The following HELZ2 variants were observed in gnomAD, a reference collection of about 807,000 sequenced individuals.
HELZ2 encodes 3'-5' exoribonuclease HELZ2.
In HELZ2, 143 loss-of-function variants were observed where a neutral mutation model predicts 208.8. That is an observed-to-expected ratio of 0.68 (90% CI 0.60 to 0.79). The LOEUF is 0.79. Ranked by LOEUF, HELZ2 falls within the 30% of genes least tolerant of loss-of-function variation. The pLI, the probability that HELZ2 is intolerant of heterozygous loss-of-function variation, is 0.00. For synonymous variants in HELZ2, 1,705 were observed against 1,693.7 expected, an observed-to-expected ratio of 1.01 and a Z score of -0.16; for missense variants, 3,690 against 3,794.5, an observed-to-expected ratio of 0.97 and a Z score of 0.72.
exon 8 of HELZ2, chr20:63,564,280 G>T: frequency 6.2e-7 from 1 of 1,610,090 alleles, no homozygotes. Context: ...AGCCCAGGGT[G>T]CCGTCCTCGT....
chr20:63,567,756 C>A lies in HELZ2; in HGVS notation c.1731-129G>T, dbSNP rs916557770. 5 of 1,463,944 alleles carry A rather than the reference C, an allele frequency of 3.4e-6. No individual in the cohort carries two copies. In the African/African-American group the frequency reaches 5.6e-5, roughly 16 times the overall value. 90.7% of individuals were successfully genotyped at this position (1,463,944 alleles called of 1,614,324 possible). On this transcript the variant is annotated intron_variant, in intron 5 of 18. Coordinates refer to ENST00000467148, the Ensembl canonical transcript of HELZ2. ...TTGTCTGGCTGTCAGAGGTGAGCAG[C>A]AAACACTGGTGTCCCTCCTGTCAGG...
chr20:63,568,964 GC>G lies in HELZ2; in HGVS notation c.1123del (p.Ala375HisfsTer7). 1 of 1,604,078 alleles carries G rather than the reference GC, an allele frequency of 6.2e-7. No homozygotes were observed. The highest frequency in any genetic ancestry group is 8.5e-7 in the Non-Finnish European group (1 of 1,179,872). Reference sequence around the variant, plus strand: ...CATGTTCAGCGCTGGCGTCTGCAATGCCGTCTTCAGGAACACCTGGCCCCGC... The same window carrying G: ...CATGTTCAGCGCTGGCGTCTGCAATGCGTCTTCAGGAACACCTGGCCCCGC... On this transcript the variant is annotated frameshift_variant, in exon 5 of 19. Coordinates refer to ENST00000467148, the Ensembl canonical transcript of HELZ2. LOFTEE classifies it high-confidence loss of function.
downstream of HELZ2, chr20:63,559,019 G>A (rs762816253): frequency 1.6e-5 from 8 of 487,386 alleles, no homozygotes; most frequent in South Asian, 3.0e-5. Context: ...GCCCCTCTTG[G>A]CCACCCTGAG....
chr20:63,559,072 G>A (rs1054881119), downstream of HELZ2: 10 of 687,492 alleles, frequency 1.5e-5, no homozygotes, highest in African/African-American at 5.5e-5. Flanking sequence ...CAAGAGTGTG[G>A]GGACCGGCCC....
exon 6 of HELZ2, chr20:63,567,192 C>T (rs751594629): frequency 6.2e-7 from 1 of 1,608,296 alleles, no homozygotes; most frequent in East Asian, 2.2e-5. Flanking sequence ...GCTGGTAGCA[C>T]AGGAAGAGGC....
chr20:63,564,478 G>T, exon 8 of HELZ2: 2 of 1,583,692 alleles, frequency 1.3e-6, no homozygotes, highest in Non-Finnish European at 8.6e-7. Context: ...ACTGGACCAC[G>T]GAGGGTGCAA....
In HELZ2 at chr20:63,563,990, C is replaced by T. The variant is rs779686338; in HGVS notation, c.4832G>A (p.Arg1611His). ...CACCATCTGTTCGTAGTCCTGGGTG[C>T]GGGCAGCAAACTGGACCTGCTTCCA... The change falls in exon 8 of 19, where the codon CGC becomes CAC. Residue 1611 changes from arginine to histidine, a missense_variant. Transcript: ENST00000467148. 8.7e-6 allele frequency: 14 copies of T among 1,602,210 alleles called. No individual in the cohort carries two copies. The highest frequency in any genetic ancestry group is 2.2e-5 in the East Asian group (1 of 44,672).
rs750871385 is a variant in HELZ2 at position 63,563,269 on chromosome 20, G to A, written c.5553C>T (p.Gly1851=). The A allele has an allele frequency of 8.4e-6, 13 of 1,555,478 alleles. No individual in the cohort carries two copies. The African/African-American group carries it at 1.1e-4, about 13-fold the overall frequency. The change falls in exon 8 of 19, where the codon GGC becomes GGT. Residue 1851 remains glycine, a synonymous_variant. Transcript: ENST00000467148. ...CCAGCTCCCGCCGCTGGGACGCCTC[G>A]CCCTTCTCCTGGATGAGAGCAGCCG...
Position 63,569,171 on chromosome 20 carries a change from C to T in HELZ2, c.1065G>A (p.Ala355=), listed in dbSNP as rs778782715. 13 of 1,549,826 alleles carry T rather than the reference C, an allele frequency of 8.4e-6. No homozygotes were observed. The African/African-American group carries it at 9.7e-5, about 12-fold the overall frequency. ...ACTTGGCCACCAGCTGCTGCTGAGC[C>T]GCCTCCTCCTCATAGAGAAACTGGT... Residue 355 remains alanine, a synonymous_variant, in exon 4 of 19, where the codon GCG becomes GCA. Coordinates refer to ENST00000467148, the Ensembl canonical transcript of HELZ2.
In HELZ2 at chr20:63,569,219, TGG is replaced by T; in HGVS notation, c.1015_1016del (p.Pro339AsnfsTer13). 6.4e-7 allele frequency: 1 copy of T among 1,557,082 alleles called. No individual in the cohort carries two copies. The highest frequency in any genetic ancestry group is 8.7e-7 in the Non-Finnish European group (1 of 1,152,428). ...GGTGCATCCTCTGCCGATAGTTGGT[TGG>T]TGAGATGGGGCCCGAGGCCACGCTG... On this transcript the variant is annotated frameshift_variant, in exon 4 of 19. Coordinates refer to ENST00000467148, the Ensembl canonical transcript of HELZ2. LOFTEE classifies it high-confidence loss of function.
exon 4 of HELZ2, chr20:63,569,460 C>A: frequency 1.2e-6 from 2 of 1,609,584 alleles, no homozygotes; most frequent in Non-Finnish European, 1.7e-6. Context: ...CACCGGCCGG[C>A]GGCCAAAGTC....
chr20:63,564,081 C>A, exon 8 of HELZ2: 1 of 1,607,730 alleles, frequency 6.2e-7, no homozygotes, highest in Non-Finnish European at 8.5e-7. Flanking sequence ...AGGTGGTGGC[C>A]GAGGTGCAGT....
At chr20:63,559,116 G>GC (rs1255440700), downstream of HELZ2, 12 of 1,029,938 alleles carry the variant, frequency 1.2e-5, no homozygotes, top group Admixed American at 3.6e-5. Flanking sequence ...CCCACTTCCT[G>GC]CCCCAGGGAG....
exon 8 of HELZ2, chr20:63,563,873 C>G: frequency 6.3e-7 from 1 of 1,597,044 alleles, no homozygotes; most frequent in Non-Finnish European, 8.5e-7. Context: ...GCCCCGGGCG[C>G]AGCGGCCGAA....
chr20:63,567,435 G>C, exon 6 of HELZ2: 1 of 1,563,232 alleles, frequency 6.4e-7, no homozygotes, highest in Non-Finnish European at 8.7e-7. Flanking sequence ...CCACCACGCG[G>C]TGCCGCGCCA....
At chr20:63,571,193 A>G (rs75454724) in intron 1 of HELZ2, 20,656 of 217,490 alleles carry the variant, frequency 0.095, 1,343 homozygotes, top group East Asian at 0.35. Context: ...GGCTCTGCCT[A>G]CGGTGGGCTC....
At chr20:63,562,579 C>T (rs768301037) in exon 8 of HELZ2, 3 of 1,598,932 alleles carry the variant, frequency 1.9e-6, no homozygotes, top group African/African-American at 2.7e-5. Flanking sequence ...GCCTCAGCAC[C>T]TCTTCCGGAA....
chr20:63,569,047 C>G, intron 4 of HELZ2, 48 bp from the exon 6 acceptor site: 3 of 1,595,758 alleles, frequency 1.9e-6, no homozygotes, highest in African/African-American at 1.3e-5. Flanking sequence ...CTGCCAGCCC[C>G]GCTGCCAAGT....
exon 19 of HELZ2, chr20:63,559,345 G>A (rs1200183551): frequency 6.9e-6 from 11 of 1,601,410 alleles, no homozygotes; most frequent in Middle Eastern, 4.0e-4. Flanking sequence ...GCCAGAGGGG[G>A]CAGCAGCGCA....
Sources: allele counts gnomAD v4.1 joint callset, GRCh38; gene constraint gnomAD v4.1.1; transcripts MANE v1.5; gene names NCBI Gene and HGNC (gene_info 2026-07-23, HGNC 2026-07-21).